Variants in ZFAND3 observed in about 807,000 individuals in gnomAD.
The protein encoded by ZFAND3 is zinc finger AN1-type containing 3, also known as AN1-type zinc finger protein 3.
Under a neutral mutation model 29.6 loss-of-function variants are expected in ZFAND3, and 10 were observed. The observed-to-expected ratio is 0.34, with a 90% CI of 0.21 to 0.57. ZFAND3 has a LOEUF of 0.57. Ranked by LOEUF, ZFAND3 falls within the 20% of genes least tolerant of loss-of-function variation. ZFAND3 has a pLI of 0.86. For missense variants in ZFAND3, 230 were observed against 304.5 expected, an observed-to-expected ratio of 0.76 and a Z score of 1.82; for synonymous variants, 128 against 112.6, an observed-to-expected ratio of 1.14 and a Z score of -0.87.
chr6:37,850,011 T>C (rs1764254061), intron 1 of ZFAND3, among the ~76,000 whole-genome samples: 2 of 152,160 alleles, frequency 1.3e-5, no homozygotes, highest in East Asian at 3.9e-4. Context: ...ACCTATAAAA[T>C]GGCTATGTGG....
At chr6:37,880,038 A>C (rs1331290063) in intron 1 of ZFAND3, among the ~76,000 whole-genome samples, 1 of 152,218 alleles carries the variant, frequency 6.6e-6, no homozygotes, top group Non-Finnish European at 1.5e-5. Flanking sequence ...ATTTTTGTTC[A>C]GATAAGAGAG....
intron 5 of ZFAND3, among the ~76,000 whole-genome samples, chr6:38,144,211 A>AATATATATATATAT (rs1554183991): frequency 2.2e-5 from 1 of 45,880 alleles, no homozygotes; most frequent in Non-Finnish European, 3.9e-5. Context: ...ATATATATAT[A>AATATATATATATAT]ATATATAATA....
intron 2 of ZFAND3, among the ~76,000 whole-genome samples, chr6:37,986,229 C>T (rs1581815317): frequency 6.6e-6 from 1 of 151,906 alleles, no homozygotes; most frequent in Non-Finnish European, 1.5e-5. Context: ...TGGCAGGTAT[C>T]CTTGAGTTTG....
intron 3 of ZFAND3, among the ~76,000 whole-genome samples, chr6:38,063,245 C>T (rs1036699136): frequency 2.6e-5 from 4 of 152,020 alleles, no homozygotes; most frequent in Non-Finnish European, 4.4e-5. Flanking sequence ...TTGGTAATAT[C>T]GAGAATATAA....
rs16890307 is a variant in ZFAND3 at position 38,005,116 on chromosome 6, C to A, written c.113-56477C>A. 0.017 allele frequency among the ~76,000 whole-genome samples: 2,594 copies of A among 152,172 alleles called. 255 individuals are homozygous for A. In the East Asian group the frequency reaches 0.28, roughly 16 times the overall value. ...TGAGAAGTTTTTATATGAGTAAGAT[C>A]AAAAATGAGAGTCTGCTCAGCAGAT... On this transcript the variant is annotated intron_variant, in intron 2 of 5. Coordinates refer to ENST00000287218, the MANE Select transcript of ZFAND3 (RefSeq NM_021943.3).
chr6:38,115,824 T>C (rs1164721091), intron 4 of ZFAND3, among the ~76,000 whole-genome samples: 1 of 152,180 alleles, frequency 6.6e-6, no homozygotes, highest in Non-Finnish European at 1.5e-5. Flanking sequence ...TTTGAAGTTG[T>C]GCAAGACACA....
chr6:37,847,121 A>G (rs372678644), intron 1 of ZFAND3, among the ~76,000 whole-genome samples: 1 of 152,328 alleles, frequency 6.6e-6, no homozygotes, highest in East Asian at 1.9e-4. Context: ...TTCTGGTGAT[A>G]TATTAACCAG....
At chr6:38,092,659 G>A (rs1373543722) in intron 4 of ZFAND3, among the ~76,000 whole-genome samples, 1 of 152,132 alleles carries the variant, frequency 6.6e-6, no homozygotes, top group African/African-American at 2.4e-5. Flanking sequence ...ATGTGACTTG[G>A]CAATGCTTTT....
chr6:38,005,883 A>G (rs755884178), intron 2 of ZFAND3, among the ~76,000 whole-genome samples: 6 of 152,226 alleles, frequency 3.9e-5, no homozygotes, highest in Admixed American at 6.5e-5. Flanking sequence ...CAGCACATAT[A>G]TGGACATTTG....
intron 1 of ZFAND3, among the ~76,000 whole-genome samples, 196 bp from the exon 2 acceptor site, chr6:37,929,763 G>T (rs1334738267): frequency 7.3e-4 from 107 of 146,100 alleles, no homozygotes; most frequent in Admixed American, 1.6e-3. Context: ...TTATATTTTT[G>T]TTTTTTTTTT....
At chr6:38,073,297 G>A (rs1463447597) in intron 3 of ZFAND3, among the ~76,000 whole-genome samples, 2 of 149,628 alleles carry the variant, frequency 1.3e-5, no homozygotes, top group South Asian at 2.1e-4. Flanking sequence ...GCTGCAGGCT[G>A]AGATTTATGA....
At chr6:38,149,471 C>T (rs1766178590) in intron 5 of ZFAND3, among the ~76,000 whole-genome samples, 1 of 149,570 alleles carries the variant, frequency 6.7e-6, no homozygotes, top group Non-Finnish European at 1.5e-5. Flanking sequence ...GTACACAGAA[C>T]CTGGGCAGAG....
intron 1 of ZFAND3, among the ~76,000 whole-genome samples, chr6:37,896,982 T>A (rs12198907): frequency 0.26 from 39,569 of 152,082 alleles, 6,635 homozygotes; most frequent in Non-Finnish European, 0.38. Context: ...AAGTTTAAAA[T>A]TTATAATTTA....
At chr6:37,950,285 A>G (rs929143512) in intron 2 of ZFAND3, among the ~76,000 whole-genome samples, 1 of 151,862 alleles carries the variant, frequency 6.6e-6, no homozygotes, top group African/African-American at 2.4e-5. Context: ...GTATGTGGTA[A>G]AAGGAAGGAG....
intron 1 of ZFAND3, among the ~76,000 whole-genome samples, chr6:37,906,143 T>C (rs1020328302): frequency 7.2e-5 from 11 of 152,266 alleles, no homozygotes; most frequent in Admixed American, 7.2e-4. Context: ...CACTGTCTAG[T>C]TTGAGAACAT....
chr6:37,984,815 A>G (rs1195112886), intron 2 of ZFAND3, among the ~76,000 whole-genome samples: 1 of 152,200 alleles, frequency 6.6e-6, no homozygotes, highest in Non-Finnish European at 1.5e-5. Flanking sequence ...AGCCAGTTGT[A>G]GCTGTTGTCA....
chr6:37,950,272 T>C (rs772342056), intron 2 of ZFAND3, among the ~76,000 whole-genome samples: 1 of 152,188 alleles, frequency 6.6e-6, no homozygotes, highest in Non-Finnish European at 1.5e-5. Flanking sequence ...TGAGTTGATT[T>C]TCGTATGTGG....
chr6:37,947,318 T>G (rs1761921054), intron 2 of ZFAND3, among the ~76,000 whole-genome samples: 2 of 152,320 alleles, frequency 1.3e-5, no homozygotes, highest in South Asian at 4.1e-4. Flanking sequence ...TTCCTTTTCA[T>G]ATTTATCTGT....
At chr6:38,057,460 G>A (rs1424945359) in intron 2 of ZFAND3, among the ~76,000 whole-genome samples, 1 of 152,088 alleles carries the variant, frequency 6.6e-6, no homozygotes, top group Non-Finnish European at 1.5e-5. Flanking sequence ...CTTTAAGTTA[G>A]GAAAATACCT....
Sources: gnomAD v4.1 joint callset for allele counts (sites outside exome capture counted in the v4.1 genomes callset) on GRCh38, gnomAD v4.1.1 for gene constraint, MANE v1.5 for transcripts, NCBI Gene and HGNC (gene_info 2026-07-23, HGNC 2026-07-21) for gene names.